The following MARCHF4 variants were observed in gnomAD, a reference collection of about 807,000 sequenced individuals.
MARCHF4 encodes E3 ubiquitin-protein ligase MARCHF4.
Under a neutral mutation model 43.9 loss-of-function variants are expected in MARCHF4, and 14 were observed. The observed-to-expected ratio is 0.32, with a 90% CI of 0.21 to 0.50. MARCHF4 has a LOEUF of 0.50. Among genes scored for constraint, MARCHF4 ranks in the 20% least tolerant of loss-of-function variants. The pLI, the probability that MARCHF4 is intolerant of heterozygous loss-of-function variation, is 0.98. For missense variants in MARCHF4, 468 were observed against 536.7 expected, an observed-to-expected ratio of 0.87 and a Z score of 1.27; for synonymous variants, 226 against 213.3, an observed-to-expected ratio of 1.06 and a Z score of -0.52.
At chr2:216,306,546 G>T (rs951763363) in intron 1 of MARCHF4, among the ~76,000 whole-genome samples, 13 of 152,016 alleles carry the variant, frequency 8.6e-5, no homozygotes, top group African/African-American at 2.9e-4. Flanking sequence ...TTTAACTGAG[G>T]GTGGTTTTGA....
At chr2:216,265,340 C>T (rs1056825354) in intron 3 of MARCHF4, among the ~76,000 whole-genome samples, 2 of 152,270 alleles carry the variant, frequency 1.3e-5, no homozygotes, top group African/African-American at 4.8e-5. Context: ...GAAGAATTGT[C>T]TCCTTTGTCT....
At chr2:216,362,670 T>G (rs1241966803) in intron 1 of MARCHF4, among the ~76,000 whole-genome samples, 1 of 152,156 alleles carries the variant, frequency 6.6e-6, no homozygotes, top group Non-Finnish European at 1.5e-5. Context: ...AACCTATATT[T>G]GGAAACTCCC....
At chr2:216,322,814 G>A (rs1691921974) in intron 1 of MARCHF4, among the ~76,000 whole-genome samples, 1 of 152,162 alleles carries the variant, frequency 6.6e-6, no homozygotes, top group African/African-American at 2.4e-5. Flanking sequence ...GACAGAGCGA[G>A]ACTCCGTCTC....
At position 216,370,744 on chromosome 2, in the gene MARCHF4, A is replaced by C. The variant is rs1054793126; in HGVS notation, c.-484T>G. On this transcript the variant is annotated 5_prime_UTR_variant, in exon 1 of 4. Coordinates refer to ENST00000273067, the MANE Select transcript of MARCHF4 (RefSeq NM_020814.3). ...AAAAGGGTGGGGACAATTGTAAATC[A>C]AATCTGGAGTGGATTGAGCTGGGCT... 1 of 153,232 alleles carries C rather than the reference A, an allele frequency of 6.5e-6. No individual in the cohort carries two copies. The highest frequency in any genetic ancestry group is 6.5e-5 in the Admixed American group (1 of 15,326). The allele number at this position is 153,232 out of a possible 1,614,324, so 9.5% of individuals were successfully genotyped here.
Position 216,372,374 on chromosome 2 carries a change from C to A in MARCHF4, c.-2114G>T, listed in dbSNP as rs1559110657. On this transcript the variant is annotated 5_prime_UTR_variant, in exon 1 of 4. Transcript: ENST00000273067. ...GGACAGCTCCCACCCAGACCCCGCGCGTCACGCTCGTGGGGGCCTGACGCA... is the reference window on the plus strand; with the variant it reads ...GGACAGCTCCCACCCAGACCCCGCGAGTCACGCTCGTGGGGGCCTGACGCA... Among the ~76,000 whole-genome samples the A allele has an allele frequency of 6.6e-6, 1 of 152,138 alleles. No homozygotes were observed. The highest frequency in any genetic ancestry group is 1.5e-5 in the Non-Finnish European group (1 of 68,038).
chr2:216,310,843 A>G (rs977227582), intron 1 of MARCHF4, among the ~76,000 whole-genome samples: 1 of 152,168 alleles, frequency 6.6e-6, no homozygotes, highest in African/African-American at 2.4e-5. Flanking sequence ...TAGGCTGACA[A>G]AATAGGAGTA....
intron 1 of MARCHF4, among the ~76,000 whole-genome samples, chr2:216,366,511 C>T (rs1039198196): frequency 1.3e-5 from 2 of 152,182 alleles, no homozygotes; most frequent in Non-Finnish European, 2.9e-5. Flanking sequence ...CTCTCTCTCT[C>T]TCTCTTCCTT....
chr2:216,324,549 C>A (rs78649685), intron 1 of MARCHF4, among the ~76,000 whole-genome samples: 1 of 151,582 alleles, frequency 6.6e-6, no homozygotes, highest in Non-Finnish European at 1.5e-5. Flanking sequence ...TGATGAACAT[C>A]GATGCAAAAA....
At chr2:216,326,662 G>A (rs1347624642) in intron 1 of MARCHF4, among the ~76,000 whole-genome samples, 2 of 152,246 alleles carry the variant, frequency 1.3e-5, no homozygotes, top group East Asian at 3.9e-4. Context: ...TCCTTTGTAG[G>A]GACATAGATG....
chr2:216,351,849 AGGT>A (rs1692408772), intron 1 of MARCHF4, among the ~76,000 whole-genome samples: 4 of 152,356 alleles, frequency 2.6e-5, no homozygotes, highest in African/African-American at 9.6e-5. Flanking sequence ...ACATGAGGGT[AGGT>A]GGTAATAATG....
intron 1 of MARCHF4, among the ~76,000 whole-genome samples, chr2:216,355,472 C>T (rs1692488277): frequency 6.6e-6 from 1 of 152,146 alleles, no homozygotes; most frequent in Non-Finnish European, 1.5e-5. Context: ...GTCAAAGACA[C>T]ACTTTTTTAC....
intron 1 of MARCHF4, among the ~76,000 whole-genome samples, chr2:216,289,067 ATT>A (rs1491492235): frequency 3.2e-5 from 4 of 126,772 alleles, no homozygotes; most frequent in Admixed American, 1.6e-4. Flanking sequence ...ATATATATAT[ATT>A]TATTTTTATT....
At chr2:216,318,989 G>A (rs569342683) in intron 1 of MARCHF4, among the ~76,000 whole-genome samples, 20 of 152,116 alleles carry the variant, frequency 1.3e-4, no homozygotes, top group African/African-American at 4.8e-4. Flanking sequence ...AAATAATTCT[G>A]GAATATGAAA....
At position 216,330,198 on chromosome 2, in the gene MARCHF4, T is replaced by A. The variant is rs561694850; in HGVS notation, c.516+39547A>T. 3.9e-5 allele frequency among the ~76,000 whole-genome samples: 6 copies of A among 152,160 alleles called. No homozygotes were observed. The South Asian group carries it at 1.2e-3, about 32-fold the overall frequency. ...TAGCATGAAGCACTACCAGAGAGAT[T>A]AATGCTGTAATGAATGAATATGGTC... On this transcript the variant is annotated intron_variant, in intron 1 of 3. Coordinates refer to ENST00000273067, the MANE Select transcript of MARCHF4 (RefSeq NM_020814.3).
intron 1 of MARCHF4, among the ~76,000 whole-genome samples, chr2:216,357,168 A>G (rs1314054976): frequency 6.6e-6 from 1 of 152,238 alleles, no homozygotes; most frequent in Admixed American, 6.5e-5. Flanking sequence ...ACTAATCTAC[A>G]TATCTTATTT....
intron 1 of MARCHF4, among the ~76,000 whole-genome samples, chr2:216,341,415 C>T (rs933079344): frequency 2.6e-5 from 4 of 152,192 alleles, no homozygotes; most frequent in Non-Finnish European, 4.4e-5. Context: ...GCCCAGACCC[C>T]ACCCACATTC....
At chr2:216,369,047 C>T (rs1692710292) in intron 1 of MARCHF4, among the ~76,000 whole-genome samples, 1 of 152,182 alleles carries the variant, frequency 6.6e-6, no homozygotes, top group Admixed American at 6.5e-5. Flanking sequence ...AGGGAAATAG[C>T]AAGATACCTT....
At chr2:216,325,615 T>C (rs1306912593) in intron 1 of MARCHF4, among the ~76,000 whole-genome samples, 1 of 151,882 alleles carries the variant, frequency 6.6e-6, no homozygotes, top group African/African-American at 2.4e-5. Context: ...TATATAGATA[T>C]AGATCAATGG....
At chr2:216,264,210 G>T (rs928798863) in intron 3 of MARCHF4, among the ~76,000 whole-genome samples, 4 of 152,170 alleles carry the variant, frequency 2.6e-5, no homozygotes, top group African/African-American at 9.7e-5. Context: ...GGTAGTCTCA[G>T]GGGTTTCTAG....
Sources: gnomAD v4.1 joint callset for allele counts (sites outside exome capture counted in the v4.1 genomes callset) on GRCh38, gnomAD v4.1.1 for gene constraint, MANE v1.5 for transcripts, NCBI Gene and HGNC (gene_info 2026-07-23, HGNC 2026-07-21) for gene names.